The following DOCK8 variants were observed in gnomAD, a reference collection of about 807,000 sequenced individuals.
DOCK8 encodes dedicator of cytokinesis 8, also known as dedicator of cytokinesis protein 8.
In DOCK8, 141 loss-of-function variants were observed where a neutral mutation model predicts 245.6. The ratio of observed to expected loss-of-function variants is 0.57; its 90% CI spans 0.50 to 0.66. The LOEUF is 0.66. Ranked by LOEUF, DOCK8 falls within the 30% of genes least tolerant of loss-of-function variation. The probability of loss-of-function intolerance (pLI) is 0.00; values close to 1 mark genes in which losing one functional copy is unlikely to be tolerated. For synonymous variants in DOCK8, 1,168 were observed against 970.2 expected (o/e 1.20, Z -3.79); for missense variants, 2,965 against 2,603.4 (o/e 1.14, Z -3.02).
At chr9:338,683 G>T (rs1257241039) in intron 12 of DOCK8, among the ~76,000 whole-genome samples, 1 of 152,046 alleles carries the variant, frequency 6.6e-6, no homozygotes, top group Non-Finnish European at 1.5e-5. Flanking sequence ...GTTCCGGGGG[G>T]TAATACTGGC....
intron 1 of DOCK8, among the ~76,000 whole-genome samples, chr9:254,003 T>A (rs1587669082): frequency 6.6e-6 from 1 of 152,228 alleles, no homozygotes; most frequent in Non-Finnish European, 1.5e-5. Flanking sequence ...AGCTAACTGT[T>A]GTTCCCTTGT....
At chr9:359,114 C>CTGACGT (rs1194683187) in intron 14 of DOCK8, among the ~76,000 whole-genome samples, 3 of 152,322 alleles carry the variant, frequency 2.0e-5, no homozygotes, top group African/African-American at 7.2e-5. Context: ...GATGCTGACG[C>CTGACGT]TGACGTTGAT....
At chr9:457,362 A>G (rs1484618736) in intron 46 of DOCK8, among the ~76,000 whole-genome samples, 4 of 152,232 alleles carry the variant, frequency 2.6e-5, no homozygotes, top group Non-Finnish European at 5.9e-5. Flanking sequence ...CCTTGCAGTT[A>G]GTGACAGAAT....
Position 406,915 on chromosome 9 carries a change from C to G in DOCK8, c.3391-15C>G. 1.2e-6 allele frequency: 2 copies of G among 1,614,008 alleles called. No homozygotes were observed. The highest frequency in any genetic ancestry group is 1.7e-6 in the Non-Finnish European group (2 of 1,179,992). On this transcript the variant is annotated splice_polypyrimidine_tract_variant and intron_variant, in intron 27 of 47. Transcript: ENST00000432829. ...GTTCTTGTGGCTCATAAAATGGCTC[C>G]TTACGTTTCTGTAGAACTCAAGCTC...
chr9:397,241 A>G (rs1045618915), intron 25 of DOCK8, among the ~76,000 whole-genome samples: 3 of 151,880 alleles, frequency 2.0e-5, no homozygotes, highest in Non-Finnish European at 2.9e-5. Context: ...AATCCCAGCA[A>G]CTGGGAGGCA....
chr9:233,607 A>T (rs2047173398), intron 1 of DOCK8, among the ~76,000 whole-genome samples: 3 of 152,122 alleles, frequency 2.0e-5, no homozygotes, highest in South Asian at 4.2e-4. Flanking sequence ...TATATTTAGG[A>T]TAGTTAGCTC....
At chr9:311,152 G>T (rs1458695124) in intron 5 of DOCK8, among the ~76,000 whole-genome samples, 1 of 152,080 alleles carries the variant, frequency 6.6e-6, no homozygotes, top group East Asian at 1.9e-4. Flanking sequence ...AGATGTAGTG[G>T]CGGACGCCTG....
At chr9:215,928 TGCC>T (rs1178734255) in intron 1 of DOCK8, among the ~76,000 whole-genome samples, 1 of 152,206 alleles carries the variant, frequency 6.6e-6, no homozygotes, top group Non-Finnish European at 1.5e-5. Context: ...CTTATTCTAT[TGCC>T]CACAGGGCTG....
At chr9:344,022 C>T (rs1008671583) in intron 14 of DOCK8, among the ~76,000 whole-genome samples, 10 of 152,290 alleles carry the variant, frequency 6.6e-5, no homozygotes, top group African/African-American at 9.6e-5. Flanking sequence ...CAAGTCTGGA[C>T]GGATTACAAT....
intron 21 of DOCK8, among the ~76,000 whole-genome samples, chr9:381,816 C>T (rs1389894430): frequency 6.6e-6 from 1 of 151,920 alleles, no homozygotes; most frequent in African/African-American, 2.4e-5. Context: ...AAAAATTAGC[C>T]AGTCGTGGTG....
intron 14 of DOCK8, among the ~76,000 whole-genome samples, chr9:348,181 C>A (rs1338819918): frequency 6.6e-6 from 1 of 152,172 alleles, no homozygotes; most frequent in Non-Finnish European, 1.5e-5. Context: ...CCAAGAGATG[C>A]ATCCCTTAAT....
intron 1 of DOCK8, among the ~76,000 whole-genome samples, chr9:230,622 G>A (rs1350825565): frequency 6.6e-6 from 1 of 151,868 alleles, no homozygotes; most frequent in Non-Finnish European, 1.5e-5. Flanking sequence ...ATCTCATTGT[G>A]GTTTTGATTT....
chr9:326,571 A>T (rs2050775512), intron 8 of DOCK8, among the ~76,000 whole-genome samples: 1 of 152,196 alleles, frequency 6.6e-6, no homozygotes, highest in Non-Finnish European at 1.5e-5. Flanking sequence ...TGCTGAAGCT[A>T]CTGGTCAGGG....
intron 26 of DOCK8, 37 bp downstream of exon 26, chr9:399,296 A>G (rs778656627): frequency 8.1e-7 from 1 of 1,239,950 alleles, no homozygotes; most frequent in African/African-American, 1.9e-5. Context: ...CGAGCGAGCC[A>G]CTTGGTTCCT....
chr9:370,271 A>G lies in DOCK8; in HGVS notation c.1839A>G (p.Glu613=), dbSNP rs377593459. The part of the protein sequence containing the change: ...GKSSGPEFLQ[E]VYTAVTYHNK... ...CCAGCGGGCCTGAATTTCTGCAGGA[A>G]GTGTACACAGCTGTTACATACCATA... Residue 613 remains glutamate, a synonymous_variant, in exon 16 of 48, where the codon GAA becomes GAG. Coordinates refer to ENST00000432829, the MANE Select transcript of DOCK8 (RefSeq NM_203447.4). 83 of 1,614,052 alleles carry G rather than the reference A, an allele frequency of 5.1e-5. No individual in the cohort carries two copies. The African/African-American group carries it at 1.0e-3, about 20-fold the overall frequency.
chr9:363,601 C>T (rs1178535508), intron 14 of DOCK8, among the ~76,000 whole-genome samples: 1 of 152,196 alleles, frequency 6.6e-6, no homozygotes, highest in Non-Finnish European at 1.5e-5. Flanking sequence ...TTAGGAAATG[C>T]ATCTCCTTAA....
At position 286,626 on chromosome 9, in the gene DOCK8, C is replaced by G; in HGVS notation, c.322C>G (p.Pro108Ala). The G allele has an allele frequency of 6.2e-7, 1 of 1,613,698 alleles. No homozygotes were observed. The highest frequency in any genetic ancestry group is 8.5e-7 in the Non-Finnish European group (1 of 1,179,784). The change falls in exon 3 of 48, where the codon CCG (proline) becomes GCG (alanine). Residue 108 changes from proline to alanine, a missense_variant. By Grantham distance (27) the Pro-to-Ala change is conservative. Coordinates refer to ENST00000432829, the MANE Select transcript of DOCK8 (RefSeq NM_203447.4). ...KECRTLQPSL[P>A]EEGVELDPHV... ...ATGTAGGACTTTGCAGCCCTCTTTG[C>G]CGGAGGAAGGGTAAATAGTTTTCTA...
Position 289,237 on chromosome 9 carries a change from T to A in DOCK8, c.333-273T>A, listed in dbSNP as rs6476031. ...CAGCTAGTTCTACCTGTCTTGTGTC[T>A]GAATGCCTTCGGGGATAGTTATAAT... On this transcript the variant is annotated intron_variant, in intron 3 of 47. Coordinates refer to ENST00000432829, the MANE Select transcript of DOCK8 (RefSeq NM_203447.4). 0.069 allele frequency among the ~76,000 whole-genome samples: 10,486 copies of A among 152,292 alleles called. 625 individuals are homozygous for A. The highest frequency in any genetic ancestry group is 0.16 in the African/African-American group (6,761 of 41,550).
chr9:327,224 C>T (rs2050804272), intron 8 of DOCK8, among the ~76,000 whole-genome samples: 1 of 152,182 alleles, frequency 6.6e-6, no homozygotes, highest in Non-Finnish European at 1.5e-5. Flanking sequence ...CTATCAGAAT[C>T]TTCTAAGGCC....
Sources: gnomAD v4.1 joint callset for allele counts (sites outside exome capture counted in the v4.1 genomes callset) on GRCh38, gnomAD v4.1.1 for gene constraint, MANE v1.5 for transcripts, NCBI Gene and HGNC (gene_info 2026-07-23, HGNC 2026-07-21) for gene names.